PLCXD3: variants seen among roughly 807,000 people sequenced by gnomAD.
PLCXD3 encodes phosphatidylinositol specific phospholipase C X domain containing 3, also known as PI-PLC X domain-containing protein 3.
A neutral mutation model predicts 25.5 loss-of-function variants in PLCXD3; 19 were observed. The ratio of observed to expected loss-of-function variants is 0.75; its 90% CI spans 0.52 to 1.09. The LOEUF is 1.09. PLCXD3 is among the 50% of genes least tolerant of loss of function. PLCXD3 has a pLI of 0.00. For synonymous variants in PLCXD3, 174 were observed against 137.6 expected (o/e 1.26, Z -1.85); for missense variants, 411 against 388.1 (o/e 1.06, Z -0.50).
At chr5:41,434,554 A>G (rs780459690) in intron 1 of PLCXD3, among the ~76,000 whole-genome samples, 1 of 152,196 alleles carries the variant, frequency 6.6e-6, no homozygotes, top group African/African-American at 2.4e-5. Context: ...CAATTGGTAT[A>G]GGAGCCCTGA....
rs139293882 is a variant in PLCXD3 at position 41,308,090 on chromosome 5, T to C, written c.*5527A>G. On this transcript the variant is annotated 3_prime_UTR_variant, in exon 3 of 3. Coordinates refer to ENST00000377801, the MANE Select transcript of PLCXD3 (RefSeq NM_001005473.3). ...TTGCAGGACCTAGAGCTGACCAATG[T>C]TTTCTTTCTTGAAGGACATTATGAC... 1 of 152,158 alleles carries C rather than the reference T, an allele frequency of 6.6e-6. No homozygotes were observed. Among genetic ancestry groups the C allele is most frequent in the African/African-American group, 2.4e-5 (1 of 41,438 alleles). 9.4% of individuals were successfully genotyped at this position (152,158 alleles called of 1,614,324 possible).
At chr5:41,364,848 G>C (rs917892240) in intron 2 of PLCXD3, among the ~76,000 whole-genome samples, 5 of 152,150 alleles carry the variant, frequency 3.3e-5, no homozygotes, top group African/African-American at 9.7e-5. Context: ...GTGTACTTTT[G>C]ATAATCAAGG....
intron 2 of PLCXD3, among the ~76,000 whole-genome samples, chr5:41,328,179 A>G (rs1743688410): frequency 6.6e-6 from 1 of 152,170 alleles, no homozygotes; most frequent in East Asian, 1.9e-4. Context: ...TACCATCTAT[A>G]AAGTGGGCAT....
At chr5:41,383,586 T>G (rs756519245) in intron 1 of PLCXD3, among the ~76,000 whole-genome samples, 1 of 152,078 alleles carries the variant, frequency 6.6e-6, no homozygotes, top group Admixed American at 6.6e-5. Flanking sequence ...ATTTCATACA[T>G]TAGAGGGTAG....
chr5:41,341,043 C>G (rs1017810808), intron 2 of PLCXD3, among the ~76,000 whole-genome samples: 3 of 152,050 alleles, frequency 2.0e-5, no homozygotes, highest in African/African-American at 7.2e-5. Context: ...AAATACTTAC[C>G]AGTTTTGAAA....
chr5:41,381,613 C>T (rs1471049848), intron 2 of PLCXD3, among the ~76,000 whole-genome samples: 1 of 152,022 alleles, frequency 6.6e-6, no homozygotes, highest in African/African-American at 2.4e-5. Context: ...CAGAAGGAAC[C>T]AACCCTGCTG....
intron 2 of PLCXD3, among the ~76,000 whole-genome samples, chr5:41,341,158 T>A (rs1195308594): frequency 6.6e-6 from 1 of 152,142 alleles, no homozygotes; most frequent in East Asian, 1.9e-4. Flanking sequence ...AATAATACCA[T>A]ATATAGTTGA....
Position 41,312,118 on chromosome 5 carries a change from G to A in PLCXD3, c.*1499C>T, listed in dbSNP as rs1350936027. The A allele has an allele frequency of 2.0e-5, 3 of 150,794 alleles. No individual in the cohort carries two copies. Among genetic ancestry groups the A allele is most frequent in the African/African-American group, 7.4e-5 (3 of 40,680 alleles). 9.3% of individuals were successfully genotyped at this position (150,794 alleles called of 1,614,324 possible). A position where few individuals can be genotyped will look rare whatever the true frequency, so the allele number is the denominator to read the frequency against. ...TTTTTTTTTTTTATTTTTTAGAGTT[G>A]TCAAATATCACAATGACACGAAGGA... is the stretch of plus-strand genomic sequence containing the variant. On this transcript the variant is annotated 3_prime_UTR_variant, in exon 3 of 3. Transcript: ENST00000377801.
At chr5:41,316,249 C>A (rs1169227796) in intron 2 of PLCXD3, among the ~76,000 whole-genome samples, 2 of 152,126 alleles carry the variant, frequency 1.3e-5, no homozygotes, top group Non-Finnish European at 2.9e-5. Context: ...TTTCTAGACA[C>A]ACCCTGGGCC....
intron 1 of PLCXD3, among the ~76,000 whole-genome samples, chr5:41,507,877 A>G (rs1014243944): frequency 1.1e-4 from 17 of 152,236 alleles, no homozygotes; most frequent in African/African-American, 3.6e-4. Context: ...CAATTATTCC[A>G]TTAGTGTTTA....
intron 2 of PLCXD3, among the ~76,000 whole-genome samples, chr5:41,378,177 G>T (rs758523251): frequency 5.3e-5 from 8 of 152,048 alleles, no homozygotes; most frequent in Non-Finnish European, 1.2e-4. Flanking sequence ...CTTTTGCAAG[G>T]CATGACCCCA....
chr5:41,377,731 G>C (rs1032820867), intron 2 of PLCXD3, among the ~76,000 whole-genome samples: 1 of 152,022 alleles, frequency 6.6e-6, no homozygotes, highest in Non-Finnish European at 1.5e-5. Context: ...TTCCCTGAAA[G>C]CCACCCACAA....
chr5:41,399,094 A>C lies in PLCXD3; in HGVS notation c.104-16560T>G, dbSNP rs554943569. Among the ~76,000 whole-genome samples, 30 of 152,328 alleles carry C rather than the reference A, an allele frequency of 2.0e-4. 1 individual carries two copies. Among genetic ancestry groups the C allele is most frequent in the Non-Finnish European group, 1.8e-4 (12 of 68,016 alleles). ...GAAAAGAAATAAAGTAATCCCATTT[A>C]CAATAGCCACACATAAAATTAAATA... On this transcript the variant is annotated intron_variant, in intron 1 of 2. Transcript: ENST00000377801.
At chr5:41,345,597 C>T (rs1744274734) in intron 2 of PLCXD3, among the ~76,000 whole-genome samples, 1 of 151,848 alleles carries the variant, frequency 6.6e-6, no homozygotes, top group African/African-American at 2.4e-5. Flanking sequence ...AAAAAAATAG[C>T]TTATGCAAAC....
intron 1 of PLCXD3, 33 bp from the exon 2 acceptor site, chr5:41,382,567 T>C (rs1161723438): frequency 6.7e-7 from 1 of 1,502,282 alleles, no homozygotes; most frequent in Admixed American, 2.0e-5. Context: ...TGTGGTTAAT[T>C]TCCACGTCTT....
At chr5:41,319,593 A>G (rs1743400337) in intron 2 of PLCXD3, among the ~76,000 whole-genome samples, 1 of 152,130 alleles carries the variant, frequency 6.6e-6, no homozygotes, top group Non-Finnish European at 1.5e-5. Context: ...ACCAAAACCT[A>G]TGGGATACAG....
intron 2 of PLCXD3, among the ~76,000 whole-genome samples, chr5:41,370,998 G>C (rs1420323459): frequency 6.6e-6 from 1 of 152,098 alleles, no homozygotes; most frequent in African/African-American, 2.4e-5. Flanking sequence ...AGGGTAGAGG[G>C]AGAAATTTAA....
At chr5:41,472,092 A>C (rs1748179827) in intron 1 of PLCXD3, among the ~76,000 whole-genome samples, 1 of 150,908 alleles carries the variant, frequency 6.6e-6, no homozygotes, top group South Asian at 2.1e-4. Flanking sequence ...AAAATGCCAC[A>C]TAATTTAAAT....
At chr5:41,478,427 A>G (rs1748326422) in intron 1 of PLCXD3, among the ~76,000 whole-genome samples, 1 of 152,050 alleles carries the variant, frequency 6.6e-6, no homozygotes, top group African/African-American at 2.4e-5. Context: ...CTTAATTTAA[A>G]TAACTGTGTC....
Sources: gnomAD v4.1 joint callset for allele counts (sites outside exome capture counted in the v4.1 genomes callset) on GRCh38, gnomAD v4.1.1 for gene constraint, MANE v1.5 for transcripts, NCBI Gene and HGNC (gene_info 2026-07-23, HGNC 2026-07-21) for gene names.